Variants in STAG1 observed in about 807,000 individuals in gnomAD.
The protein encoded by STAG1 is STAG1 cohesin complex component, also known as cohesin subunit SA-1.
A neutral mutation model predicts 170.9 loss-of-function variants in STAG1; 26 were observed. The observed-to-expected ratio is 0.15, with a 90% confidence interval of 0.11 to 0.21. STAG1 has a LOEUF of 0.21. Among genes scored for constraint, STAG1 ranks in the 10% least tolerant of loss-of-function variants. The pLI is 1.00. For missense variants in STAG1, 964 were observed against 1,509.5 expected (o/e 0.64, Z 5.99); for synonymous variants, 514 against 497.7 (o/e 1.03, Z -0.44).
chr3:136,556,428 C>A, intron 5 of STAG1, among the ~76,000 whole-genome samples: 1 of 152,154 alleles, frequency 6.6e-6, no homozygotes, highest in Non-Finnish European at 1.5e-5. Flanking sequence ...AAATGTCCTA[C>A]AATGAAAGAA....
intron 22 of STAG1, among the ~76,000 whole-genome samples, chr3:136,380,863 T>C: frequency 6.6e-6 from 1 of 151,004 alleles, no homozygotes. Flanking sequence ...CTACTAAAAA[T>C]ACAAAAATGA....
chr3:136,626,739 CAT>C (rs1462847710), intron 2 of STAG1, among the ~76,000 whole-genome samples: 1 of 152,134 alleles, frequency 6.6e-6, no homozygotes, highest in African/African-American at 2.4e-5. Flanking sequence ...TGTCAGTTTA[CAT>C]ATGTTATCTA....
intron 9 of STAG1, among the ~76,000 whole-genome samples, chr3:136,487,654 A>G (rs528790769): frequency 1.3e-5 from 2 of 152,356 alleles, no homozygotes; most frequent in South Asian, 4.1e-4. Flanking sequence ...ATCATAATAC[A>G]TAACATATAC....
chr3:136,632,462 T>C (rs1940368934), intron 1 of STAG1, among the ~76,000 whole-genome samples: 2 of 152,148 alleles, frequency 1.3e-5, no homozygotes, highest in Admixed American at 1.3e-4. Context: ...TGCTGGTACC[T>C]GTGGGAGCAA....
intron 1 of STAG1, among the ~76,000 whole-genome samples, chr3:136,712,574 C>T (rs771723102): frequency 6.6e-5 from 10 of 152,010 alleles, no homozygotes; most frequent in African/African-American, 9.7e-5. Context: ...AGAGATAGTG[C>T]AAATTAAAGC....
rs1472369855 is a variant in STAG1 at position 136,498,257 on chromosome 3, C to CATATACAT, written c.902+1965_902+1966insATGTATAT. Among the ~76,000 whole-genome samples, 260 of 83,620 alleles carry CATATACAT rather than the reference C, an allele frequency of 3.1e-3. 12 individuals are homozygous for CATATACAT. Among genetic ancestry groups the CATATACAT allele is most frequent in the African/African-American group, 9.2e-3 (147 of 15,922 alleles). The allele number at this position is 83,620 out of a possible 152,430, so 54.9% of individuals were successfully genotyped here. Reference sequence around the variant, plus strand: ...ATACACATACATATACATACACACACACACACACACACACACCACACACAC... The same window carrying CATATACAT: ...ATACACATACATATACATACACACACATATACATACACACACACACACACCACACACAC... On this transcript the variant is annotated intron_variant, in intron 9 of 33. Coordinates refer to ENST00000383202, the MANE Select transcript of STAG1 (RefSeq NM_005862.3).
chr3:136,625,851 A>G (rs1261962966), intron 2 of STAG1, among the ~76,000 whole-genome samples: 1 of 152,210 alleles, frequency 6.6e-6, no homozygotes, highest in Non-Finnish European at 1.5e-5. Context: ...AAGTTATCAT[A>G]TTACTCTAAC....
chr3:136,467,999 T>C (rs993241287), intron 12 of STAG1, among the ~76,000 whole-genome samples: 4 of 152,252 alleles, frequency 2.6e-5, no homozygotes, highest in Non-Finnish European at 4.4e-5. Context: ...TGGGACACAC[T>C]GAAAGCAGTG....
chr3:136,717,661 T>TAAATTA (rs1559969503), intron 1 of STAG1, among the ~76,000 whole-genome samples: 2 of 152,088 alleles, frequency 1.3e-5, no homozygotes, highest in African/African-American at 4.8e-5. Context: ...TGAAACTCTG[T>TAAATTA]CTCAATAAAT....
chr3:136,350,296 T>C (rs1936388093), intron 28 of STAG1, among the ~76,000 whole-genome samples: 1 of 152,144 alleles, frequency 6.6e-6, no homozygotes, highest in Admixed American at 6.5e-5. Context: ...GCCAAGAAGA[T>C]GGGGGTTCCC....
intron 1 of STAG1, among the ~76,000 whole-genome samples, chr3:136,745,177 C>G (rs1449085061): frequency 1.3e-5 from 2 of 152,132 alleles, no homozygotes; most frequent in South Asian, 2.1e-4. Context: ...CAGCAAAATT[C>G]CATTGAAATT....
intron 4 of STAG1, chr3:136,586,713 T>C (rs557755929): frequency 9.1e-6 from 3 of 331,332 alleles, no homozygotes; most frequent in East Asian, 1.7e-4. Flanking sequence ...TGCCTTCTAA[T>C]TACCTAAAAA....
At chr3:136,601,544 G>A (rs1252393939) in intron 4 of STAG1, among the ~76,000 whole-genome samples, 1 of 152,204 alleles carries the variant, frequency 6.6e-6, no homozygotes. Flanking sequence ...GCTGGGTGTG[G>A]TGGCTCATGC....
At chr3:136,581,436 G>A (rs1038132368) in intron 4 of STAG1, among the ~76,000 whole-genome samples, 2 of 151,892 alleles carry the variant, frequency 1.3e-5, no homozygotes, top group East Asian at 3.9e-4. Flanking sequence ...GATTTTTAAA[G>A]GAAACACAAA....
rs1170210362 is a variant in STAG1 at position 136,481,912 on chromosome 3, G to T, written c.903-4500C>A. Among the ~76,000 whole-genome samples, 18 of 47,992 alleles carry T rather than the reference G, an allele frequency of 3.8e-4. 3 individuals are homozygous for T. The highest frequency in any genetic ancestry group is 6.6e-4 in the Non-Finnish European group (15 of 22,596). The allele number at this position is 47,992 out of a possible 152,430, so 31.5% of individuals were successfully genotyped here. The stretch of plus-strand genomic sequence containing the variant: ...TCTGATGGTAGTTTGTATTTCTGTG[G>T]GATCGGTGGTGATATCCCCTTTATC... On this transcript the variant is annotated intron_variant, in intron 9 of 33. Coordinates refer to ENST00000383202, the MANE Select transcript of STAG1 (RefSeq NM_005862.3).
At chr3:136,596,761 T>C (rs545527440) in intron 4 of STAG1, among the ~76,000 whole-genome samples, 78 of 152,340 alleles carry the variant, frequency 5.1e-4, no homozygotes, top group African/African-American at 1.8e-3. Flanking sequence ...AATTCTAGTT[T>C]ACTCATTTTA....
intron 1 of STAG1, among the ~76,000 whole-genome samples, chr3:136,738,870 A>G (rs1433949674): frequency 6.6e-6 from 1 of 152,218 alleles, no homozygotes; most frequent in African/African-American, 2.4e-5. Flanking sequence ...TCCATAATGT[A>G]CACATATACC....
intron 4 of STAG1, among the ~76,000 whole-genome samples, chr3:136,599,042 A>C (rs1576650151): frequency 6.6e-6 from 1 of 152,192 alleles, no homozygotes; most frequent in East Asian, 1.9e-4. Flanking sequence ...CAAAGAACTA[A>C]AGGCAGAAAT....
At chr3:136,578,139 C>T (rs138381017) in intron 4 of STAG1, among the ~76,000 whole-genome samples, 51 of 152,258 alleles carry the variant, frequency 3.3e-4, no homozygotes, top group African/African-American at 1.1e-3. Context: ...GTTCTGTAAG[C>T]TTACTCTTTT....
Sources: gnomAD v4.1 joint callset for allele counts (sites outside exome capture counted in the v4.1 genomes callset) on GRCh38, gnomAD v4.1.1 for gene constraint, MANE v1.5 for transcripts, NCBI Gene and HGNC (gene_info 2026-07-23, HGNC 2026-07-21) for gene names.